Variants in RPTOR observed in about 807,000 individuals in gnomAD.
The protein encoded by RPTOR is regulatory associated protein of MTOR complex 1, also known as regulatory-associated protein of mTOR.
RPTOR carries 21 observed loss-of-function variants against 169.9 expected under a neutral mutation model. The ratio of observed to expected loss-of-function variants is 0.12; its 90% CI spans 0.09 to 0.18. The LOEUF (loss-of-function observed/expected upper bound fraction) is 0.18, where lower values mean the gene tolerates loss of function less well. RPTOR is among the 10% of genes least tolerant of loss of function. RPTOR has a pLI of 1.00. For synonymous variants in RPTOR, 732 were observed against 753.2 expected (o/e 0.97, Z 0.46); for missense variants, 1,133 against 1,855.9 (o/e 0.61, Z 7.16).
chr17:80,556,056 T>C (rs1326201824), intron 1 of RPTOR, among the ~76,000 whole-genome samples: 6 of 149,980 alleles, frequency 4.0e-5, no homozygotes, highest in African/African-American at 1.5e-4. Flanking sequence ...AGGTAGATAC[T>C]TTGTGGTTCC....
At chr17:80,776,134 A>C (rs2066889606) in intron 6 of RPTOR, among the ~76,000 whole-genome samples, 1 of 152,138 alleles carries the variant, frequency 6.6e-6, no homozygotes, top group Non-Finnish European at 1.5e-5. Flanking sequence ...AACAGTTTAA[A>C]GTTATGATGA....
intron 1 of RPTOR, among the ~76,000 whole-genome samples, chr17:80,615,432 C>T (rs911259855): frequency 6.6e-6 from 1 of 152,130 alleles, no homozygotes; most frequent in Admixed American, 6.5e-5. Flanking sequence ...TTTTCCCCAC[C>T]TTAGTAAGCT....
chr17:80,639,674 G>A (rs2065536858), intron 2 of RPTOR, among the ~76,000 whole-genome samples: 1 of 152,238 alleles, frequency 6.6e-6, no homozygotes, highest in Non-Finnish European at 1.5e-5. Context: ...GGCCCTGTCT[G>A]TGCCTGGGGC....
chr17:80,904,460 G>C (rs1192814878), intron 20 of RPTOR, among the ~76,000 whole-genome samples: 1 of 152,210 alleles, frequency 6.6e-6, no homozygotes, highest in African/African-American at 2.4e-5. Context: ...GTCAGCCAGA[G>C]CTCTGAGTAA....
intron 10 of RPTOR, 75 bp downstream of exon 10, chr17:80,838,072 C>T: frequency 3.9e-6 from 5 of 1,292,754 alleles, no homozygotes; most frequent in Non-Finnish European, 5.4e-6. Context: ...GCAAAGCCCC[C>T]AGACTGGGGG....
chr17:80,963,794 C>CTGCGGCCCTCACCCCGTCCCCTG (rs2069383384), intron 33 of RPTOR, among the ~76,000 whole-genome samples: 1 of 97,602 alleles, frequency 1.0e-5, no homozygotes, highest in African/African-American at 5.6e-5. Flanking sequence ...CCCGTCCCCT[C>CTGCGGCCCTCACCCCGTCCCCTG]TGCGGCCCTC....
chr17:80,736,566 G>A (rs1011141108), intron 5 of RPTOR, among the ~76,000 whole-genome samples: 2 of 152,208 alleles, frequency 1.3e-5, no homozygotes, highest in African/African-American at 2.4e-5. Context: ...CTAACGTCTA[G>A]AATCTTCAAG....
rs2068327226 is a variant in RPTOR at position 80,891,766 on chromosome 17, A to G, written c.2030A>G (p.Asn677Ser). Residue 677 changes from asparagine to serine, a missense_variant, in exon 18 of 34, where the codon AAT becomes AGT. Asn to Ser is a conservative substitution (Grantham distance 46). Around this residue, in one of 9 missense-constraint regions of RPTOR, gnomAD observed 150 missense variants for 206.4 expected, o/e 0.73. Coordinates refer to ENST00000306801, the MANE Select transcript of RPTOR (RefSeq NM_020761.3). ...LSHLVVQYESNFCTVALQFIE... is the reference protein window; with the variant it reads ...LSHLVVQYESSFCTVALQFIE... ...CATCTTGTGGTTCAGTATGAAAGCA[A>G]TTTCTGCACCGTGGCCCTGCAGTTC... 2 of 1,613,996 alleles carry G rather than the reference A, an allele frequency of 1.2e-6. No homozygotes were observed. The highest frequency in any genetic ancestry group is 2.2e-5 in the East Asian group (1 of 44,874).
chr17:80,884,311 C>T (rs543795652), intron 16 of RPTOR, among the ~76,000 whole-genome samples: 15 of 152,324 alleles, frequency 9.8e-5, no homozygotes, highest in South Asian at 8.3e-4. Flanking sequence ...CTCCACTTTA[C>T]GGGCAAGGAG....
Position 80,548,887 on chromosome 17 carries a change from GCTT to G in RPTOR, c.162+3103_162+3105del, listed in dbSNP as rs34783740. Among the ~76,000 whole-genome samples, 1,229 of 152,298 alleles carry G rather than the reference GCTT, an allele frequency of 8.1e-3. 23 individuals carry two copies. Among genetic ancestry groups the G allele is most frequent in the African/African-American group, 0.028 (1,154 of 41,550 alleles). On this transcript the variant is annotated intron_variant, in intron 1 of 33. Transcript: ENST00000306801. ...TGTCCTAAATGCAAGCTGAGATTTT[GCTT>G]CTTCTTGTGGTTAATGTGCAATTCC...
Position 80,620,402 on chromosome 17 carries a change from G to A in RPTOR, c.163-5289G>A, listed in dbSNP as rs548964076. On this transcript the variant is annotated intron_variant, in intron 1 of 33. Coordinates refer to ENST00000306801, the MANE Select transcript of RPTOR (RefSeq NM_020761.3). Reference sequence around the variant, plus strand: ...AACATTAATCAAGAGTTTTTGAAACGAGGTTGCCATAGAAATGAAAATACA... The same window carrying A: ...AACATTAATCAAGAGTTTTTGAAACAAGGTTGCCATAGAAATGAAAATACA... Among the ~76,000 whole-genome samples, 16 of 152,220 alleles carry A rather than the reference G, an allele frequency of 1.1e-4. No individual in the cohort carries two copies. The East Asian group carries it at 2.9e-3, about 27-fold the overall frequency.
At chr17:80,846,387 G>T in intron 10 of RPTOR, 86 bp from the exon 11 acceptor site, 3 of 1,351,336 alleles carry the variant, frequency 2.2e-6, no homozygotes, top group Non-Finnish European at 3.1e-6. Flanking sequence ...GTGAAGGCTT[G>T]GATGCCCGGC....
intron 1 of RPTOR, among the ~76,000 whole-genome samples, chr17:80,595,747 G>A (rs2065140186): frequency 6.6e-6 from 1 of 152,224 alleles, no homozygotes; most frequent in Non-Finnish European, 1.5e-5. Flanking sequence ...ATGAGCCATC[G>A]TGCCCAGTGG....
intron 7 of RPTOR, among the ~76,000 whole-genome samples, chr17:80,806,068 G>A (rs908277814): frequency 2.6e-5 from 4 of 152,146 alleles, no homozygotes; most frequent in African/African-American, 4.8e-5. Flanking sequence ...TTTAGAAACC[G>A]AGCAGAGATT....
chr17:80,567,724 G>A lies in RPTOR; in HGVS notation c.162+21933G>A, dbSNP rs545844251. Among the ~76,000 whole-genome samples the A allele has an allele frequency of 1.7e-4, 26 of 151,652 alleles. No homozygotes were observed. The South Asian group carries it at 2.7e-3, about 16-fold the overall frequency. Reference sequence around the variant, plus strand: ...GGAGAATTGCTTGAACCCGGGAGGCGGAGGTTGCAGCGAGCCGAGATCGCG... The same window carrying A: ...GGAGAATTGCTTGAACCCGGGAGGCAGAGGTTGCAGCGAGCCGAGATCGCG... On this transcript the variant is annotated intron_variant, in intron 1 of 33. Coordinates refer to ENST00000306801, the MANE Select transcript of RPTOR (RefSeq NM_020761.3).
rs1314855476 is a variant in RPTOR at position 80,695,747 on chromosome 17, C to G, written c.349-12094C>G. 6.6e-6 allele frequency among the ~76,000 whole-genome samples: 1 copy of G among 152,160 alleles called. No homozygotes were observed. Among genetic ancestry groups the G allele is most frequent in the Non-Finnish European group, 1.5e-5 (1 of 68,042 alleles). On this transcript the variant is annotated intron_variant, in intron 3 of 33. Coordinates refer to ENST00000306801, the MANE Select transcript of RPTOR (RefSeq NM_020761.3). The surrounding 1 kb of genome is among the most constrained non-coding windows in gnomAD (Gnocchi z 4.9). ...GGTCACCTCTTTTATTTCTGAAAAA[C>G]AAGTCGCTTGAGGCCCATCTTTACA...
chr17:80,625,880 C>A, intron 2 of RPTOR, 87 bp downstream of exon 2: 1 of 879,686 alleles, frequency 1.1e-6, no homozygotes, highest in Non-Finnish European at 1.9e-6. Flanking sequence ...TGGTCTGGTC[C>A]AGGGGCCCGT....
At position 80,860,136 on chromosome 17, in the gene RPTOR, G is replaced by A. The variant is rs1479413272; in HGVS notation, c.1509+2236G>A. 6.6e-6 allele frequency among the ~76,000 whole-genome samples: 1 copy of A among 152,164 alleles called. No individual in the cohort carries two copies. Among genetic ancestry groups the A allele is most frequent in the Non-Finnish European group, 1.5e-5 (1 of 68,006 alleles). On this transcript the variant is annotated intron_variant, in intron 13 of 33. Coordinates refer to ENST00000306801, the MANE Select transcript of RPTOR (RefSeq NM_020761.3). This position sits in a 1 kb window ranked among gnomAD's most constrained non-coding sequence, Gnocchi z 5.8. The stretch of plus-strand genomic sequence containing the variant: ...CCGGGGCTCCTGCCTGCTGCCCGGC[G>A]CTCCCCAGGCCACATTCTGTCAGCT...
intron 2 of RPTOR, among the ~76,000 whole-genome samples, chr17:80,638,899 C>G (rs983086545): frequency 1.3e-5 from 2 of 152,166 alleles, no homozygotes; most frequent in Non-Finnish European, 1.5e-5. Context: ...AGAACGGGGC[C>G]AGACTGTAAA....
Sources: allele counts gnomAD v4.1 joint callset (sites outside exome capture counted in the v4.1 genomes callset), GRCh38; gene constraint gnomAD v4.1.1; regional missense constraint gnomAD v4.1.1; non-coding constraint Gnocchi (gnomAD v3.1); transcripts MANE v1.5; gene names NCBI Gene and HGNC (gene_info 2026-07-23, HGNC 2026-07-21).